Variants in DLC1 observed in about 807,000 individuals in gnomAD.
The protein encoded by DLC1 is DLC1 Rho GTPase activating protein, also known as rho GTPase-activating protein 7.
Under a neutral mutation model 140.3 loss-of-function variants are expected in DLC1, and 54 were observed. The ratio of observed to expected loss-of-function variants is 0.38; its 90% CI spans 0.31 to 0.48. The LOEUF (loss-of-function observed/expected upper bound fraction) is 0.48. Among genes scored for constraint, DLC1 ranks in the 20% least tolerant of loss-of-function variants. The probability of loss-of-function intolerance (pLI) is 0.96; values close to 1 mark genes in which losing one functional copy is unlikely to be tolerated. For synonymous variants in DLC1, 986 were observed against 728.1 expected, an observed-to-expected ratio of 1.35 and a Z score of -5.70; for missense variants, 2,536 against 1,907.0, an observed-to-expected ratio of 1.33 and a Z score of -6.14.
Position 13,088,690 on chromosome 8 carries a change from G to T in DLC1, c.4089C>A (p.Pro1363=), listed in dbSNP as rs562067931. 6.2e-6 allele frequency: 10 copies of T among 1,613,946 alleles called. No homozygotes were observed. Among genetic ancestry groups the T allele is most frequent in the Non-Finnish European group, 7.6e-6 (9 of 1,180,026 alleles). ...ELSYKKVSEG[P]PLRLWRSVIE... is the part of the protein sequence containing the mutation. ...TGACTGACCTCCAAAGCCTCAGAGG[G>T]GGTCCTTCGCTCACCTGGAAAGAGG... Residue 1363 remains proline, a synonymous_variant, in exon 16 of 18, where the codon CCC becomes CCA. Coordinates refer to ENST00000276297, the MANE Select transcript of DLC1 (RefSeq NM_182643.3).
At chr8:13,247,409 A>T (rs1304058908) in intron 5 of DLC1, among the ~76,000 whole-genome samples, 1 of 152,196 alleles carries the variant, frequency 6.6e-6, no homozygotes. Context: ...AGTTGTTAAC[A>T]ATTATTTAGG....
At chr8:13,148,189 C>T (rs371147320) in intron 5 of DLC1, among the ~76,000 whole-genome samples, 1 of 151,772 alleles carries the variant, frequency 6.6e-6, no homozygotes, top group East Asian at 1.9e-4. Flanking sequence ...CATAGGTAAA[C>T]TCATATTCAC....
chr8:13,308,919 A>T (rs1403778071), intron 4 of DLC1, among the ~76,000 whole-genome samples: 1 of 152,230 alleles, frequency 6.6e-6, no homozygotes, highest in Non-Finnish European at 1.5e-5. Context: ...CCATCATGTC[A>T]TATCTATTTC....
chr8:13,419,765 T>A (rs1394076480), intron 2 of DLC1, among the ~76,000 whole-genome samples: 2 of 152,186 alleles, frequency 1.3e-5, no homozygotes, highest in Non-Finnish European at 1.5e-5. Flanking sequence ...TTTCTATTGA[T>A]TGGAATAGTT....
At chr8:13,301,144 A>G (rs1051316571) in intron 5 of DLC1, among the ~76,000 whole-genome samples, 14 of 152,162 alleles carry the variant, frequency 9.2e-5, no homozygotes, top group Admixed American at 8.5e-4. Context: ...GGGACACAGC[A>G]TAAACATTTC....
At position 13,100,063 on chromosome 8, in the gene DLC1, A is replaced by C; in HGVS notation, c.2274T>G (p.Pro758=). 6.2e-7 allele frequency: 1 copy of C among 1,613,420 alleles called. No individual in the cohort carries two copies. The highest frequency in any genetic ancestry group is 8.5e-7 in the Non-Finnish European group (1 of 1,180,036). ...CACTGAGGCTCCGGGTCCTCGTAAC[A>C]GGGCTGGGCGTGCTGACCGCGCTGC... The part of the protein sequence containing the change: ...ETSSAVSTPS[P]VTRTRSLSAC... Residue 758 remains proline (P), a synonymous_variant, in exon 9 of 18, where the codon CCT becomes CCG. Transcript: ENST00000276297.
intron 5 of DLC1, among the ~76,000 whole-genome samples, chr8:13,248,650 T>C (rs527300896): frequency 6.6e-6 from 1 of 152,274 alleles, no homozygotes; most frequent in Admixed American, 6.5e-5. Flanking sequence ...GCAGTCTGGA[T>C]CTTTTTATCC....
intron 1 of DLC1, among the ~76,000 whole-genome samples, chr8:13,521,843 A>C (rs1031788797): frequency 6.6e-6 from 1 of 152,208 alleles, no homozygotes; most frequent in Non-Finnish European, 1.5e-5. Flanking sequence ...TACCAAGTGA[A>C]AATGCTTCAT....
At chr8:13,571,977 A>G (rs983808493) in intron 1 of DLC1, among the ~76,000 whole-genome samples, 1 of 152,074 alleles carries the variant, frequency 6.6e-6, no homozygotes, top group Non-Finnish European at 1.5e-5. Context: ...ACAGTTTTTC[A>G]TGTGATTAAT....
intron 1 of DLC1, among the ~76,000 whole-genome samples, chr8:13,577,906 T>C (rs1446436398): frequency 2.6e-5 from 4 of 152,108 alleles, no homozygotes; most frequent in Admixed American, 2.6e-4. Flanking sequence ...AGGAAGCCAG[T>C]TGATTAAAAT....
chr8:13,244,550 C>A (rs1829681667), intron 5 of DLC1, among the ~76,000 whole-genome samples: 1 of 152,086 alleles, frequency 6.6e-6, no homozygotes, highest in Non-Finnish European at 1.5e-5. Context: ...CCTCCCACTT[C>A]AGTCTCCCAA....
rs918257446 is a variant in DLC1 at position 13,580,373 on chromosome 8, G to A, written c.-126+24164C>T. Among the ~76,000 whole-genome samples, 13 of 152,222 alleles carry A rather than the reference G, an allele frequency of 8.5e-5. No individual in the cohort carries two copies. The East Asian group carries it at 1.2e-3, about 14-fold the overall frequency. On this transcript the variant is annotated intron_variant, in intron 1 of 1. Transcript: ENST00000631382. ...CCTGACCTCGTGATCTGCCCGCGTCGGACTCCCAAAGTGCTGGGATTACAG... is the reference window on the plus strand; with the variant it reads ...CCTGACCTCGTGATCTGCCCGCGTCAGACTCCCAAAGTGCTGGGATTACAG...
intron 5 of DLC1, among the ~76,000 whole-genome samples, chr8:13,197,133 G>T (rs963276785): frequency 6.6e-6 from 1 of 152,112 alleles, no homozygotes; most frequent in African/African-American, 2.4e-5. Flanking sequence ...GGGGTCTGAG[G>T]ATGTCTAGTG....
chr8:13,260,809 C>T (rs1356234213), intron 5 of DLC1, among the ~76,000 whole-genome samples: 1 of 152,112 alleles, frequency 6.6e-6, no homozygotes, highest in Non-Finnish European at 1.5e-5. Context: ...GTAACTGATT[C>T]AAATAGCTTC....
At position 13,374,810 on chromosome 8, in the gene DLC1, A is replaced by G. The variant is rs1021549236; in HGVS notation, c.1314+18743T>C. On this transcript the variant is annotated intron_variant, in intron 4 of 17. Transcript: ENST00000276297. The stretch of plus-strand genomic sequence containing the variant: ...CAGTATGGCCATTTTCACGATATTG[A>G]TTCTTCCTATCCATGAGCATGGAAT... Among the ~76,000 whole-genome samples, 10 of 152,194 alleles carry G rather than the reference A, an allele frequency of 6.6e-5. No individual in the cohort carries two copies. In the South Asian group the frequency reaches 8.3e-4, roughly 13 times the overall value.
rs56057254 is a variant in DLC1 at position 13,431,482 on chromosome 8, C to CAAAAAAAAAAAAAA, written c.1024-29877_1024-29864dup. The stretch of plus-strand genomic sequence containing the variant: ...TGGGCCACAGAGCGAGACTCCGTCT[C>CAAAAAAAAAAAAAA]AAAAAAAAAAAAAAAAAAAAAAAAA... On this transcript the variant is annotated intron_variant, in intron 2 of 17. Transcript: ENST00000276297. Among the ~76,000 whole-genome samples the CAAAAAAAAAAAAAA allele has an allele frequency of 4.2e-4, 17 of 40,610 alleles. 2 individuals are homozygous for CAAAAAAAAAAAAAA. Among genetic ancestry groups the CAAAAAAAAAAAAAA allele is most frequent in the African/African-American group, 5.8e-4 (5 of 8,678 alleles). 26.6% of individuals were successfully genotyped at this position (40,610 alleles called of 152,430 possible).
intron 5 of DLC1, among the ~76,000 whole-genome samples, chr8:13,235,742 T>G (rs991807711): frequency 2.0e-5 from 3 of 152,020 alleles, no homozygotes; most frequent in Non-Finnish European, 2.9e-5. Context: ...AGATGGCTCA[T>G]GTTCACTCAC....
intron 1 of DLC1, among the ~76,000 whole-genome samples, chr8:13,555,900 C>T (rs1332690393): frequency 1.3e-5 from 2 of 151,928 alleles, no homozygotes; most frequent in Non-Finnish European, 2.9e-5. Flanking sequence ...ATCACATTTT[C>T]CCCTGAACTT....
chr8:13,098,294 A>G, intron 10 of DLC1, 105 bp downstream of exon 10: 1 of 1,355,126 alleles, frequency 7.4e-7, no homozygotes, highest in Non-Finnish European at 1.0e-6. Context: ...GATGAAATAT[A>G]TTAATAAAGG....
Sources: gnomAD v4.1 joint callset for allele counts (sites outside exome capture counted in the v4.1 genomes callset) on GRCh38, gnomAD v4.1.1 for gene constraint, MANE v1.5 for transcripts, NCBI Gene and HGNC (gene_info 2026-07-23, HGNC 2026-07-21) for gene names.